The following DEPTOR variants were observed in gnomAD, a reference collection of about 807,000 sequenced individuals.
DEPTOR encodes the protein DEP domain-containing mTOR-interacting protein.
Under a neutral mutation model 41.6 loss-of-function variants are expected in DEPTOR, and 41 were observed. That is an observed-to-expected ratio of 0.98 (90% CI 0.77 to 1.28). The LOEUF is 1.28. Ranked by LOEUF, DEPTOR falls within the 50% of genes most tolerant of loss-of-function variation. DEPTOR has a pLI of 0.00. For synonymous variants in DEPTOR, 195 were observed against 192.3 expected (o/e 1.01, Z -0.12); for missense variants, 514 against 527.9 (o/e 0.97, Z 0.26).
chr8:119,984,093 G>A (rs989205480), intron 4 of DEPTOR, among the ~76,000 whole-genome samples: 2 of 151,860 alleles, frequency 1.3e-5, no homozygotes, highest in East Asian at 1.9e-4. Context: ...TCTGTTCCCC[G>A]AGACCACCTA....
intron 7 of DEPTOR, among the ~76,000 whole-genome samples, chr8:120,008,406 G>A (rs1381416065): frequency 1.3e-5 from 2 of 151,630 alleles, no homozygotes; most frequent in African/African-American, 2.4e-5. Context: ...TTGCATGCCT[G>A]TAATCCCAGT....
intron 3 of DEPTOR, among the ~76,000 whole-genome samples, chr8:119,961,090 T>C (rs1266188054): frequency 6.6e-6 from 1 of 151,754 alleles, no homozygotes; most frequent in East Asian, 2.0e-4. Flanking sequence ...ATGTTCTTTC[T>C]ACCATTATAT....
chr8:120,015,014 G>A (rs1295687071), intron 8 of DEPTOR, among the ~76,000 whole-genome samples: 1 of 151,922 alleles, frequency 6.6e-6, no homozygotes, highest in East Asian at 1.9e-4. Flanking sequence ...TTTAGTCAGG[G>A]AGAATTTTTA....
chr8:119,946,904 T>C (rs1399752176), intron 3 of DEPTOR, among the ~76,000 whole-genome samples: 2 of 152,192 alleles, frequency 1.3e-5, no homozygotes, highest in East Asian at 1.9e-4. Context: ...GCTGCCCTTC[T>C]TCCCTCACCC....
intron 4 of DEPTOR, among the ~76,000 whole-genome samples, chr8:119,991,030 T>TTTTC (rs747315642): frequency 0.074 from 3,986 of 53,508 alleles, 143 homozygotes; most frequent in Middle Eastern, 0.21. Context: ...TCGGGTTTTC[T>TTTTC]TTTCTTTCTT....
chr8:119,969,596 T>C (rs1828607896), intron 4 of DEPTOR, among the ~76,000 whole-genome samples: 1 of 152,170 alleles, frequency 6.6e-6, no homozygotes, highest in Non-Finnish European at 1.5e-5. Flanking sequence ...CCTCAGGTGA[T>C]CCACCCACCT....
chr8:119,935,033 A>C (rs2129872200), intron 3 of DEPTOR, among the ~76,000 whole-genome samples: 1 of 151,844 alleles, frequency 6.6e-6, no homozygotes, highest in Middle Eastern at 3.4e-3. Flanking sequence ...TGATGCCCTG[A>C]TGTTGTCATT....
At chr8:119,880,503 A>G (rs1333232874) in intron 1 of DEPTOR, among the ~76,000 whole-genome samples, 1 of 152,230 alleles carries the variant, frequency 6.6e-6, no homozygotes, top group African/African-American at 2.4e-5. Flanking sequence ...CTAGTGACTT[A>G]GAGGGTTAAA....
At chr8:120,017,573 T>A (rs947946921) in intron 8 of DEPTOR, among the ~76,000 whole-genome samples, 2 of 152,122 alleles carry the variant, frequency 1.3e-5, no homozygotes, top group African/African-American at 2.4e-5. Context: ...AATAAATAAT[T>A]TTCATTCTTG....
intron 4 of DEPTOR, among the ~76,000 whole-genome samples, chr8:119,976,069 C>T (rs1441460205): frequency 6.6e-6 from 1 of 151,660 alleles, no homozygotes; most frequent in Middle Eastern, 3.2e-3. Flanking sequence ...ACCATATTGG[C>T]CAGGCTGGTC....
At position 119,980,781 on chromosome 8, in the gene DEPTOR, G is replaced by A. The variant is rs1197014265; in HGVS notation, c.604+15371G>A. ...GATCCACCCGCCTCGGCCTTCCAAA[G>A]TGCTGGGATTACAGGTGTGAGCCAC... On this transcript the variant is annotated intron_variant, in intron 4 of 8. Transcript: ENST00000286234. Among the ~76,000 whole-genome samples, 4 of 151,804 alleles carry A rather than the reference G, an allele frequency of 2.6e-5. No homozygotes were observed. The South Asian group carries it at 6.2e-4, about 24-fold the overall frequency.
In DEPTOR at chr8:120,049,573, T is replaced by C. The variant is rs761193491; in HGVS notation, c.1102-3T>C. 1.9e-6 allele frequency: 3 copies of C among 1,613,146 alleles called. No individual in the cohort carries two copies. The highest frequency in any genetic ancestry group is 1.7e-5 in the Admixed American group (1 of 59,946). ...ATGCTCTTTCTTTGCATCTTTCCTT[T>C]AGGTCTGTCAGTTTGTCGTCTCTGT... On this transcript the variant is annotated splice_polypyrimidine_tract_variant and splice_region_variant and intron_variant, in intron 8 of 8. Coordinates refer to ENST00000286234, the MANE Select transcript of DEPTOR (RefSeq NM_022783.4).
intron 8 of DEPTOR, among the ~76,000 whole-genome samples, chr8:120,043,176 G>T (rs1375148686): frequency 6.6e-6 from 1 of 151,194 alleles, no homozygotes; most frequent in Non-Finnish European, 1.5e-5. Flanking sequence ...TGAGATTTTG[G>T]TACACCCATC....
At chr8:119,918,037 C>G (rs1827837116) in intron 1 of DEPTOR, among the ~76,000 whole-genome samples, 1 of 152,212 alleles carries the variant, frequency 6.6e-6, no homozygotes, top group South Asian at 2.1e-4. Context: ...CCACTATTAT[C>G]CTATGATCCT....
chr8:119,874,074 G>T, intron 1 of DEPTOR, 106 bp downstream of exon 1: 2 of 1,559,084 alleles, frequency 1.3e-6, no homozygotes, highest in Non-Finnish European at 1.7e-6. Flanking sequence ...CGACTCGCGT[G>T]GGGCGCCGGA....
rs536318857 is a variant in DEPTOR at position 119,991,796 on chromosome 8, A to G, written c.605-9729A>G. On this transcript the variant is annotated intron_variant, in intron 4 of 8. Transcript: ENST00000286234. ...CTTTTCTATTGTAACTAATTCTTAAATAAGGTTTTTCTACAAATGCATGAT... is the reference window on the plus strand; with the variant it reads ...CTTTTCTATTGTAACTAATTCTTAAGTAAGGTTTTTCTACAAATGCATGAT... Among the ~76,000 whole-genome samples, 6 of 152,342 alleles carry G rather than the reference A, an allele frequency of 3.9e-5. No individual in the cohort carries two copies. In the South Asian group the frequency reaches 6.2e-4, roughly 16 times the overall value.
At chr8:119,968,035 G>A (rs374067436) in intron 4 of DEPTOR, among the ~76,000 whole-genome samples, 1 of 152,136 alleles carries the variant, frequency 6.6e-6, no homozygotes, top group African/African-American at 2.4e-5. Context: ...TCTGGTTTAA[G>A]TTCACTGAGG....
At chr8:120,037,262 G>GATCC (rs1460981372) in intron 8 of DEPTOR, among the ~76,000 whole-genome samples, 17 of 152,166 alleles carry the variant, frequency 1.1e-4, no homozygotes, top group Non-Finnish European at 8.8e-5. Flanking sequence ...TAATAAACTT[G>GATCC]ATCCCCATTT....
intron 1 of DEPTOR, among the ~76,000 whole-genome samples, chr8:119,906,327 A>AC (rs1563962236): frequency 6.7e-6 from 1 of 150,288 alleles, no homozygotes; most frequent in Non-Finnish European, 1.5e-5. Flanking sequence ...ATGGTGGTGC[A>AC]TGTCTGTGGT....
Sources: allele counts gnomAD v4.1 joint callset (sites outside exome capture counted in the v4.1 genomes callset), GRCh38; gene constraint gnomAD v4.1.1; transcripts MANE v1.5; gene names NCBI Gene and HGNC (gene_info 2026-07-23, HGNC 2026-07-21).